The following WWOX variants were observed in gnomAD, a reference collection of about 807,000 sequenced individuals.
WWOX encodes WW domain containing oxidoreductase.
WWOX carries 69 observed loss-of-function variants against 46.2 expected under a neutral mutation model. The observed-to-expected ratio is 1.49, with a 90% CI of 1.23 to 1.82. The LOEUF (loss-of-function observed/expected upper bound fraction) is 1.82, where lower values mean the gene tolerates loss of function less well. Ranked by LOEUF, WWOX falls within the 40% of genes most tolerant of loss-of-function variation. WWOX has a pLI of 0.00. For synonymous variants in WWOX, 359 were observed against 202.6 expected (o/e 1.77, Z -6.56); for missense variants, 919 against 542.6 (o/e 1.69, Z -6.89).
Position 78,751,838 on chromosome 16 carries a change from A to C in WWOX, c.1056+319086A>C, listed in dbSNP as rs1266009615. 2.0e-5 allele frequency among the ~76,000 whole-genome samples: 3 copies of C among 151,978 alleles called. No individual in the cohort carries two copies. In the East Asian group the frequency reaches 5.8e-4, roughly 29 times the overall value. On this transcript the variant is annotated intron_variant, in intron 8 of 8. Coordinates refer to ENST00000566780, the MANE Select transcript of WWOX (RefSeq NM_016373.4). ...AAGGATTTTCTAGAAAAAGAAAGGA[A>C]GGAGGGAGGGAAGGTAAGAAAGAAA...
chr16:78,637,830 T>A (rs556756133), intron 8 of WWOX, among the ~76,000 whole-genome samples: 11 of 152,288 alleles, frequency 7.2e-5, no homozygotes, highest in African/African-American at 2.6e-4. Context: ...GCCTATTGTG[T>A]TGTGTGTGTC....
At chr16:78,834,212 C>T (rs1554981) in intron 8 of WWOX, among the ~76,000 whole-genome samples, 26,941 of 152,018 alleles carry the variant, frequency 0.18, 2,661 homozygotes, top group Middle Eastern at 0.31. Context: ...TTGTTTGTGC[C>T]GAACAGGGCC....
intron 8 of WWOX, among the ~76,000 whole-genome samples, chr16:78,678,184 C>A (rs1041786190): frequency 6.6e-5 from 10 of 152,198 alleles, no homozygotes; most frequent in African/African-American, 2.4e-4. Context: ...AGTGGCCTTA[C>A]GTGGCATTTG....
intron 8 of WWOX, among the ~76,000 whole-genome samples, chr16:78,654,331 A>T (rs181403918): frequency 5.4e-4 from 82 of 152,334 alleles, no homozygotes; most frequent in African/African-American, 1.8e-3. Context: ...ATAATCTTAC[A>T]ATCATCATCG....
At chr16:78,620,472 G>T (rs911289989) in intron 8 of WWOX, among the ~76,000 whole-genome samples, 1 of 152,168 alleles carries the variant, frequency 6.6e-6, no homozygotes, top group East Asian at 1.9e-4. Flanking sequence ...GATGGGAGAA[G>T]ATAGCTGTAT....
intron 8 of WWOX, among the ~76,000 whole-genome samples, chr16:78,726,220 C>A (rs1376170364): frequency 6.7e-6 from 1 of 149,200 alleles, no homozygotes; most frequent in Non-Finnish European, 1.5e-5. Flanking sequence ...TTTCTTCCTT[C>A]CTTCCTTTTT....
At chr16:78,416,138 G>C (rs542482895) in intron 6 of WWOX, among the ~76,000 whole-genome samples, 2 of 152,282 alleles carry the variant, frequency 1.3e-5, no homozygotes, top group African/African-American at 4.8e-5. Context: ...TTAAAATGCT[G>C]ACTAGTAACA....
intron 8 of WWOX, among the ~76,000 whole-genome samples, chr16:78,960,631 T>G (rs2046254407): frequency 6.6e-6 from 1 of 152,192 alleles, no homozygotes; most frequent in African/African-American, 2.4e-5. Flanking sequence ...GTCTCTACCT[T>G]CAAGGTTCTC....
chr16:78,362,379 G>T (rs1347656998), intron 5 of WWOX, among the ~76,000 whole-genome samples: 1 of 152,192 alleles, frequency 6.6e-6, no homozygotes, highest in African/African-American at 2.4e-5. Context: ...GAAGGCCAAT[G>T]CGGGTGGATC....
intron 5 of WWOX, among the ~76,000 whole-genome samples, chr16:78,326,401 C>A (rs1306126444): frequency 6.6e-6 from 1 of 151,998 alleles, no homozygotes; most frequent in Non-Finnish European, 1.5e-5. Flanking sequence ...TAGGAAAATG[C>A]CAGGTTGTAA....
intron 3 of WWOX, 54 bp downstream of exon 3, chr16:78,109,889 T>A: frequency 1.3e-6 from 2 of 1,579,538 alleles, no homozygotes; most frequent in Non-Finnish European, 1.7e-6. Flanking sequence ...AATAGGAATT[T>A]TTAATTATAA....
At chr16:78,849,695 G>T (rs1232888014) in intron 8 of WWOX, among the ~76,000 whole-genome samples, 1 of 151,858 alleles carries the variant, frequency 6.6e-6, no homozygotes, top group Non-Finnish European at 1.5e-5. Flanking sequence ...TCCCTCCCTA[G>T]ACTAGATTTC....
chr16:78,209,532 A>C (rs2036494526), intron 5 of WWOX, among the ~76,000 whole-genome samples: 1 of 152,246 alleles, frequency 6.6e-6, no homozygotes, highest in African/African-American at 2.4e-5. Flanking sequence ...AAGCTCATGC[A>C]GGTATTTGAA....
chr16:78,819,382 G>A (rs551025837), intron 8 of WWOX, among the ~76,000 whole-genome samples: 1 of 152,148 alleles, frequency 6.6e-6, no homozygotes, highest in African/African-American at 2.4e-5. Flanking sequence ...CCGCCAGTGT[G>A]TCATGTCAGT....
intron 8 of WWOX, among the ~76,000 whole-genome samples, chr16:78,571,744 T>G (rs1474663374): frequency 2.0e-5 from 3 of 152,104 alleles, no homozygotes; most frequent in African/African-American, 7.2e-5. Context: ...GGTATGTGAC[T>G]GCAATCCCAG....
chr16:78,817,717 A>G (rs935256046), intron 8 of WWOX, among the ~76,000 whole-genome samples: 3 of 152,062 alleles, frequency 2.0e-5, no homozygotes, highest in South Asian at 4.2e-4. Context: ...GCTTCCTCCT[A>G]AAATTCCCAG....
rs140716926 is a variant in WWOX, at chr16:78,846,468, G to A, written c.1057-365140G>A. On this transcript the variant is annotated intron_variant, in intron 8 of 8. Transcript: ENST00000566780. ...GGCCTTGAAATTTTTGAAGAGTTCCGGTCAGTTATTTTGTAGAATGCCCGT... is the reference window on the plus strand; with the variant it reads ...GGCCTTGAAATTTTTGAAGAGTTCCAGTCAGTTATTTTGTAGAATGCCCGT... 6.6e-5 allele frequency among the ~76,000 whole-genome samples: 10 copies of A among 151,916 alleles called. No individual in the cohort carries two copies. In the East Asian group the frequency reaches 1.2e-3, roughly 18 times the overall value.
intron 8 of WWOX, among the ~76,000 whole-genome samples, chr16:78,651,900 A>G (rs1427088125): frequency 6.6e-6 from 1 of 152,160 alleles, no homozygotes; most frequent in South Asian, 2.1e-4. Flanking sequence ...CTATTCCCAT[A>G]GGGAGTGAGA....
Position 78,269,720 on chromosome 16 carries a change from G to A in WWOX, c.516+105431G>A, listed in dbSNP as rs573609644. 5.4e-4 allele frequency among the ~76,000 whole-genome samples: 82 copies of A among 152,258 alleles called. No individual in the cohort carries two copies. In the Middle Eastern group the frequency reaches 0.014, roughly 25 times the overall value. ...CAATGTATATTGTCGAAGCAGAAAG[G>A]AGTTGCAGCTTCTGGCCAGTAGAAT... On this transcript the variant is annotated intron_variant, in intron 5 of 8. Coordinates refer to ENST00000566780, the MANE Select transcript of WWOX (RefSeq NM_016373.4).
Sources: allele counts gnomAD v4.1 joint callset (sites outside exome capture counted in the v4.1 genomes callset), GRCh38; gene constraint gnomAD v4.1.1; transcripts MANE v1.5; gene names NCBI Gene and HGNC (gene_info 2026-07-23, HGNC 2026-07-21).